ZC3H7A: variants seen among roughly 807,000 people sequenced by gnomAD.
The protein encoded by ZC3H7A is zinc finger CCCH domain-containing protein 7A.
ZC3H7A carries 44 observed loss-of-function variants against 125.5 expected under a neutral mutation model. That is an observed-to-expected ratio of 0.35 (90% confidence interval 0.28 to 0.45). The LOEUF (loss-of-function observed/expected upper bound fraction) is 0.45. Ranked by LOEUF, ZC3H7A falls within the 20% of genes least tolerant of loss-of-function variation. ZC3H7A has a pLI of 1.00. For synonymous variants in ZC3H7A, 399 were observed against 391.2 expected, an observed-to-expected ratio of 1.02 and a Z score of -0.23; for missense variants, 977 against 1,170.7, an observed-to-expected ratio of 0.83 and a Z score of 2.41.
rs66812605 is a variant in ZC3H7A at position 11,760,122 on chromosome 16, GAAAAAAAAA to G, written c.2319+1275_2319+1283del. On this transcript the variant is annotated intron_variant, in intron 19 of 22. Transcript: ENST00000355758. Reference sequence around the variant, plus strand: ...CCTGGGTGACAGAGCAAGAAAAAATGAAAAAAAAAAAAAAAAAAAAAAAGAAAAAAAGTC... The same window carrying G: ...CCTGGGTGACAGAGCAAGAAAAAATGAAAAAAAAAAAAAAGAAAAAAAGTC... Among the ~76,000 whole-genome samples the G allele has an allele frequency of 8.2e-3, 677 of 82,588 alleles. 5 individuals carry two copies. The highest frequency in any genetic ancestry group is 0.01 in the Admixed American group (61 of 6,042). The allele number at this position is 82,588 out of a possible 152,430, so 54.2% of individuals were successfully genotyped here.
intron 4 of ZC3H7A, among the ~76,000 whole-genome samples, chr16:11,778,156 G>A (rs985257488): frequency 5.3e-5 from 8 of 151,496 alleles, no homozygotes; most frequent in East Asian, 1.9e-4. Flanking sequence ...AAAAACACTC[G>A]CCAGGCACGG....
chr16:11,794,010 C>G (rs2053394093), intron 1 of ZC3H7A, among the ~76,000 whole-genome samples: 1 of 152,194 alleles, frequency 6.6e-6, no homozygotes, highest in African/African-American at 2.4e-5. Flanking sequence ...GAGGCTCCGC[C>G]TGCCAAGAGC....
chr16:11,758,732 T>C, intron 19 of ZC3H7A, 193 bp from the exon 20 acceptor site: 1 of 521,170 alleles, frequency 1.9e-6, no homozygotes, highest in Non-Finnish European at 3.3e-6. Flanking sequence ...GGTTTCTATC[T>C]CAAAATTTTT....
Position 11,765,722 on chromosome 16 carries a change from G to A in ZC3H7A, c.1523-37C>T, listed in dbSNP as rs754146736. 2.5e-6 allele frequency: 4 copies of A among 1,591,230 alleles called. No individual in the cohort carries two copies. In the East Asian group the frequency reaches 6.8e-5, roughly 27 times the overall value. Reference sequence around the variant, plus strand: ...GGGAATGGACAGACATTGAAAACATGGCAATTGGCCTGTACTCCCAGCTAC... The same window carrying A: ...GGGAATGGACAGACATTGAAAACATAGCAATTGGCCTGTACTCCCAGCTAC... On this transcript the variant is annotated intron_variant, in intron 13 of 22. Transcript: ENST00000355758. The surrounding 1 kb of genome is among the most constrained non-coding windows in gnomAD (Gnocchi z 4.8).
intron 2 of ZC3H7A, among the ~76,000 whole-genome samples, chr16:11,781,880 C>G (rs773759892): frequency 1.3e-5 from 2 of 152,064 alleles, no homozygotes; most frequent in Admixed American, 6.6e-5. Context: ...CATGTCCATC[C>G]AAACCACAGC....
At chr16:11,771,844 C>T (rs2052988633) in intron 9 of ZC3H7A, among the ~76,000 whole-genome samples, 1 of 152,108 alleles carries the variant, frequency 6.6e-6, no homozygotes, top group African/African-American at 2.4e-5. Flanking sequence ...CATGTTTCAT[C>T]TGCAAAACTT....
chr16:11,774,584 C>A, intron 8 of ZC3H7A, 65 bp from the exon 9 acceptor site: 1 of 1,431,642 alleles, frequency 7.0e-7, no homozygotes, highest in Non-Finnish European at 9.3e-7. Flanking sequence ...ACCATTAATC[C>A]CCAATAATAG....
intron 21 of ZC3H7A, among the ~76,000 whole-genome samples, chr16:11,755,854 G>A (rs1176903596): frequency 6.6e-6 from 1 of 152,120 alleles, no homozygotes; most frequent in Non-Finnish European, 1.5e-5. Context: ...ACGGAGCCGG[G>A]TTTTGGAGAA....
intron 16 of ZC3H7A, chr16:11,763,081 A>G: frequency 3.8e-6 from 1 of 266,366 alleles, no homozygotes; most frequent in South Asian, 7.9e-5. Flanking sequence ...CATCTGGTTG[A>G]TGGAGAAGGG....
At chr16:11,793,055 G>A (rs2053378841) in intron 1 of ZC3H7A, among the ~76,000 whole-genome samples, 1 of 151,966 alleles carries the variant, frequency 6.6e-6, no homozygotes, top group Admixed American at 6.6e-5. Context: ...ATCACTCCAG[G>A]GAAAATCTTT....
intron 5 of ZC3H7A, 85 bp from the exon 6 acceptor site, chr16:11,776,617 A>G (rs934987559): frequency 2.9e-5 from 44 of 1,498,096 alleles, no homozygotes; most frequent in Non-Finnish European, 3.7e-5. Flanking sequence ...GTTTCCCATC[A>G]AGACACCTGC....
At chr16:11,793,105 T>C (rs577962853) in intron 1 of ZC3H7A, among the ~76,000 whole-genome samples, 29 of 152,212 alleles carry the variant, frequency 1.9e-4, no homozygotes, top group African/African-American at 7.0e-4. Context: ...TGTATTTAAA[T>C]ACAAATAATA....
chr16:11,757,720 A>G (rs1254666064), intron 20 of ZC3H7A, among the ~76,000 whole-genome samples: 1 of 152,128 alleles, frequency 6.6e-6, no homozygotes, highest in African/African-American at 2.4e-5. Flanking sequence ...GTCAGGCCGG[A>G]CTACATAGCC....
chr16:11,775,896 G>A (rs1326168451), intron 7 of ZC3H7A, among the ~76,000 whole-genome samples: 2 of 152,146 alleles, frequency 1.3e-5, no homozygotes, highest in Non-Finnish European at 2.9e-5. Flanking sequence ...GATGGCTCAC[G>A]CCTGTGATCC....
rs558872190 is a variant in ZC3H7A at position 11,756,305 on chromosome 16, T to C, written c.2494A>G (p.Ile832Val). The change falls in exon 21 of 23, where the codon ATA becomes GTA. Residue 832 changes from isoleucine to valine, a missense_variant. Physicochemically the swap from Ile to Val is conservative, Grantham distance 29. Coordinates refer to ENST00000355758, the MANE Select transcript of ZC3H7A (RefSeq NM_014153.4). The part of the protein sequence containing the change: ...KSQKNEKSED[I>V]ASQSNKENGK... ...TTTTCCTTGTTTGACTGACTGGCTATGTCTTCACTTTTTTCATTTTTTTGA... is the reference window on the plus strand; with the variant it reads ...TTTTCCTTGTTTGACTGACTGGCTACGTCTTCACTTTTTTCATTTTTTTGA... The C allele has an allele frequency of 2.2e-5, 36 of 1,614,092 alleles. 3 individuals carry two copies. The South Asian group carries it at 3.8e-4, about 17-fold the overall frequency.
At chr16:11,774,579 T>C (rs1329556277) in intron 8 of ZC3H7A, 60 bp from the exon 9 acceptor site, 23 of 1,432,544 alleles carry the variant, frequency 1.6e-5, no homozygotes, top group Non-Finnish European at 2.1e-5. Context: ...ATAATACCAT[T>C]AATCCCCAAT....
chr16:11,775,704 T>C (rs1369474329), intron 7 of ZC3H7A: 1 of 152,182 alleles, frequency 6.6e-6, no homozygotes, highest in Non-Finnish European at 1.5e-5. Flanking sequence ...GTTAATTTTA[T>C]CACAAATGAC....
chr16:11,780,978 T>C (rs1463345258), intron 3 of ZC3H7A, among the ~76,000 whole-genome samples: 1 of 152,162 alleles, frequency 6.6e-6, no homozygotes, highest in East Asian at 1.9e-4. Flanking sequence ...GTCCCACTTA[T>C]TTTCAATGAC....
chr16:11,797,044 A>AGGCGGCAGCGCGCGCGGGGGG (rs2053451330), intron 1 of ZC3H7A, 80 bp downstream of exon 1: 3 of 141,356 alleles, frequency 2.1e-5, no homozygotes, highest in African/African-American at 7.6e-5. Context: ...CGCGAGCACG[A>AGGCGGCAGCGCGCGCGGGGGG]GGCGGCGGCG....
Sources: allele counts gnomAD v4.1 joint callset (sites outside exome capture counted in the v4.1 genomes callset), GRCh38; gene constraint gnomAD v4.1.1; non-coding constraint Gnocchi (gnomAD v3.1); transcripts MANE v1.5; gene names NCBI Gene and HGNC (gene_info 2026-07-23, HGNC 2026-07-21).